MICU3: variants seen among roughly 807,000 people sequenced by gnomAD.
MICU3 encodes the protein mitochondrial calcium uptake 3, also known as calcium uptake protein 3, mitochondrial.
Under a neutral mutation model 66.5 loss-of-function variants are expected in MICU3, and 62 were observed. The observed-to-expected ratio is 0.93, with a 90% CI of 0.76 to 1.15. MICU3 has a LOEUF of 1.15. Among genes scored for constraint, MICU3 ranks in the 50% most tolerant of loss-of-function variants. The probability of loss-of-function intolerance (pLI) is 0.00; values close to 1 mark genes in which losing one functional copy is unlikely to be tolerated. For missense variants in MICU3, 779 were observed against 664.4 expected (o/e 1.17, Z -1.90); for synonymous variants, 308 against 240.7 (o/e 1.28, Z -2.59).
At chr8:17,052,709 G>A (rs1816301034) in intron 1 of MICU3, among the ~76,000 whole-genome samples, 1 of 152,114 alleles carries the variant, frequency 6.6e-6, no homozygotes, top group Admixed American at 6.5e-5. Context: ...TAGAGTACTT[G>A]GGATTTTCCC....
chr8:17,105,992 T>C (rs1801705808), intron 11 of MICU3, among the ~76,000 whole-genome samples: 1 of 152,092 alleles, frequency 6.6e-6, no homozygotes, highest in Non-Finnish European at 1.5e-5. Context: ...AAGACCACCA[T>C]TGATGAGTGA....
At chr8:17,040,400 A>G (rs1301432995) in intron 1 of MICU3, among the ~76,000 whole-genome samples, 5 of 152,224 alleles carry the variant, frequency 3.3e-5, no homozygotes, top group Non-Finnish European at 7.3e-5. Flanking sequence ...AATCTTGCTT[A>G]TACAGAATCA....
At chr8:17,083,918 A>C (rs529767331) in intron 5 of MICU3, among the ~76,000 whole-genome samples, 1 of 152,104 alleles carries the variant, frequency 6.6e-6, no homozygotes, top group Admixed American at 6.6e-5. Context: ...AGGGTAGCCA[A>C]TTGTTGAGAT....
At chr8:17,074,935 G>A (rs1467949490) in intron 3 of MICU3, among the ~76,000 whole-genome samples, 4 of 152,056 alleles carry the variant, frequency 2.6e-5, no homozygotes, top group Admixed American at 6.6e-5. Flanking sequence ...CATTTCAGAT[G>A]CTTGTTGCAA....
chr8:17,034,781 C>T (rs1376039150), intron 1 of MICU3, among the ~76,000 whole-genome samples: 1 of 152,210 alleles, frequency 6.6e-6, no homozygotes, highest in East Asian at 1.9e-4. Flanking sequence ...GGACTTGCCT[C>T]TATGAATGAG....
chr8:17,044,251 G>T (rs757335998), intron 1 of MICU3, among the ~76,000 whole-genome samples: 1 of 152,192 alleles, frequency 6.6e-6, no homozygotes. Flanking sequence ...AGATATATAA[G>T]AGCAGAAGTT....
downstream of MICU3, among the ~76,000 whole-genome samples, chr8:17,125,804 G>A (rs571674211): frequency 1.1e-4 from 17 of 151,976 alleles, no homozygotes; most frequent in East Asian, 5.8e-4. Flanking sequence ...ATGCTGAGGC[G>A]GGTGGATCAC....
chr8:17,066,106 A>G (rs554862830), intron 2 of MICU3, among the ~76,000 whole-genome samples: 1 of 151,878 alleles, frequency 6.6e-6, no homozygotes, highest in African/African-American at 2.4e-5. Flanking sequence ...TAAGGCTGTG[A>G]TAAGTGTTAT....
intron 1 of MICU3, among the ~76,000 whole-genome samples, chr8:17,048,024 A>G (rs1311007265): frequency 6.6e-6 from 1 of 152,202 alleles, no homozygotes; most frequent in Admixed American, 6.5e-5. Context: ...GACGAGTTAA[A>G]GTGTTTCATG....
At chr8:17,102,586 T>TA in intron 9 of MICU3, 1 of 152,110 alleles carries the variant, frequency 6.6e-6, no homozygotes, top group African/African-American at 2.4e-5. Context: ...CTCTTCAACT[T>TA]AAAGTTCTGG....
chr8:17,134,919 C>G, the MICU3 span, among the ~76,000 whole-genome samples: 2 of 152,194 alleles, frequency 1.3e-5, no homozygotes, highest in Non-Finnish European at 2.9e-5. Flanking sequence ...ATGGCCCAGT[C>G]AGGTTGACAC....
At chr8:17,074,905 G>C (rs1820148971) in intron 3 of MICU3, among the ~76,000 whole-genome samples, 1 of 151,950 alleles carries the variant, frequency 6.6e-6, no homozygotes, top group South Asian at 2.1e-4. Context: ...TTTAAGCATG[G>C]TGCCTAACAA....
chr8:17,105,467 A>T lies in MICU3; in HGVS notation c.1140A>T (p.Ser380=). 6.3e-7 allele frequency: 1 copy of T among 1,575,132 alleles called. No homozygotes were observed. Among genetic ancestry groups the T allele is most frequent in the Non-Finnish European group, 8.6e-7 (1 of 1,156,428 alleles). The stretch of plus-strand genomic sequence containing the variant: ...TAGAAATAGAATTCCTTTCCTACTC[A>T]AATGGAATGAATACCATCAGTGAAG... The part of the protein sequence containing the change: ...EVLEIEFLSY[S]NGMNTISEED... Residue 380 remains serine (S), a synonymous_variant, in exon 11 of 15, where the codon TCA becomes TCT. Transcript: ENST00000318063.
Position 17,116,430 on chromosome 8 carries a change from A to G in MICU3, c.1367-13A>G, listed in dbSNP as rs779575370. ...ATAACAGTCTATTCTTTTTCTATGT[A>G]ACATTTATCTAGATGAATTTAAACG... On this transcript the variant is annotated splice_polypyrimidine_tract_variant and intron_variant, in intron 12 of 14. Coordinates refer to ENST00000318063, the MANE Select transcript of MICU3 (RefSeq NM_181723.3). 8 of 1,413,364 alleles carry G rather than the reference A, an allele frequency of 5.7e-6. No individual in the cohort carries two copies. The highest frequency in any genetic ancestry group is 1.9e-6 in the Non-Finnish European group (2 of 1,076,138). 87.6% of individuals were successfully genotyped at this position (1,413,364 alleles called of 1,614,324 possible).
chr8:17,114,040 T>A, intron 11 of MICU3, 53 bp from the exon 12 acceptor site: 8 of 1,179,966 alleles, frequency 6.8e-6, no homozygotes, highest in East Asian at 4.8e-5. Flanking sequence ...TAGATCCTGA[T>A]TTTAATAAAT....
At position 17,077,843 on chromosome 8, in the gene MICU3, C is replaced by T. The variant is rs150021056; in HGVS notation, c.628C>T (p.Arg210Ter). ...TTGGAAAGGCTCATCGAAGCTATTT[C>T]GAAATCTTAAAGAAAAAGGTGAGTT... is the stretch of plus-strand genomic sequence containing the variant. The part of the protein sequence containing the change: ...PVWKGSSKLF[R>*]NLKEKGVISY... The change falls in exon 4 of 15, where the codon CGA (arginine) becomes TGA (stop). Residue 210 changes from arginine to a stop codon, truncating the protein, a stop_gained. Coordinates refer to ENST00000318063, the MANE Select transcript of MICU3 (RefSeq NM_181723.3). LOFTEE classifies it high-confidence loss of function. 1.2e-5 allele frequency: 20 copies of T among 1,610,128 alleles called. No homozygotes were observed. Among genetic ancestry groups the T allele is most frequent in the Admixed American group, 8.4e-5 (5 of 59,802 alleles).
chr8:17,123,526 T>C (rs1803318879), downstream of MICU3, among the ~76,000 whole-genome samples: 1 of 152,058 alleles, frequency 6.6e-6, no homozygotes, highest in Non-Finnish European at 1.5e-5. Flanking sequence ...ACCTTGCACA[T>C]TGAAAGGATA....
intron 1 of MICU3, among the ~76,000 whole-genome samples, chr8:17,061,851 G>A (rs771526476): frequency 1.8e-4 from 28 of 152,190 alleles, no homozygotes; most frequent in Admixed American, 8.5e-4. Flanking sequence ...ATGATTGCTC[G>A]TTTTTACCAG....
chr8:17,121,992 C>T lies in MICU3; in HGVS notation c.*1705C>T, dbSNP rs981988002. On this transcript the variant is annotated 3_prime_UTR_variant, in exon 15 of 15. Transcript: ENST00000318063. ...AAGTAATTGAAAAAAATGCAGTTTC[C>T]TTTAATCCTTGACTATAAGTTATAC... The T allele has an allele frequency of 6.6e-4, 100 of 151,782 alleles. No homozygotes were observed. The highest frequency in any genetic ancestry group is 2.2e-3 in the African/African-American group (91 of 41,486). 9.4% of individuals were successfully genotyped at this position (151,782 alleles called of 1,614,324 possible).
Sources: gnomAD v4.1 joint callset for allele counts (sites outside exome capture counted in the v4.1 genomes callset) on GRCh38, gnomAD v4.1.1 for gene constraint, MANE v1.5 for transcripts, NCBI Gene and HGNC (gene_info 2026-07-23, HGNC 2026-07-21) for gene names.